The following LRRFIP1 variants were observed in gnomAD, a reference collection of about 807,000 sequenced individuals.
The protein encoded by LRRFIP1 is LRR binding FLII interacting protein 1, also known as leucine-rich repeat flightless-interacting protein 1.
Under a neutral mutation model 104.4 loss-of-function variants are expected in LRRFIP1, and 62 were observed. The ratio of observed to expected loss-of-function variants is 0.59; its 90% CI spans 0.48 to 0.73. The LOEUF is 0.73. LRRFIP1 is among the 30% of genes least tolerant of loss of function. The pLI is 0.00. For missense variants in LRRFIP1, 796 were observed against 824.5 expected (o/e 0.97, Z 0.42); for synonymous variants, 300 against 299.0 (o/e 1.00, Z -0.03).
intron 1 of LRRFIP1, among the ~76,000 whole-genome samples, chr2:237,637,352 C>T (rs867604605): frequency 6.6e-6 from 1 of 152,166 alleles, no homozygotes; most frequent in Non-Finnish European, 1.5e-5. Context: ...CCTGTAGTCT[C>T]AGCTACTCGG....
intron 1 of LRRFIP1, among the ~76,000 whole-genome samples, chr2:237,632,572 C>G (rs1334808497): frequency 6.6e-6 from 1 of 152,216 alleles, no homozygotes; most frequent in East Asian, 1.9e-4. Flanking sequence ...CCCTTTCATT[C>G]ATCTTTTCTC....
chr2:237,739,047 T>G (rs1320649152), intron 10 of LRRFIP1, among the ~76,000 whole-genome samples, 185 bp from the exon 11 acceptor site: 3 of 152,264 alleles, frequency 2.0e-5, no homozygotes, highest in Non-Finnish European at 2.9e-5. Context: ...GCTTTTTTAT[T>G]CTTAGCGAGC....
intron 2 of LRRFIP1, among the ~76,000 whole-genome samples, chr2:237,709,811 T>C (rs2093984733): frequency 6.6e-6 from 1 of 152,174 alleles, no homozygotes; most frequent in Admixed American, 6.5e-5. Flanking sequence ...CTAGAAGGAA[T>C]AGTGCTTTTA....
rs367912567 is a variant in LRRFIP1, at chr2:237,735,321, C to A, written c.543C>A (p.Ser181=). The change falls in exon 10 of 24, where the codon TCC becomes TCA. Residue 181 remains serine, a synonymous_variant. Coordinates refer to ENST00000308482, the MANE Select transcript of LRRFIP1 (RefSeq NM_001137550.2). This position sits in a 1 kb window ranked among gnomAD's most constrained non-coding sequence, Gnocchi z 4.6. Reference sequence around the variant, plus strand: ...GTGGGACCCGACGGGGCAGCACCTCCGGCTCCCGTGCTGTAAGGCGCTTTC... The same window carrying A: ...GTGGGACCCGACGGGGCAGCACCTCAGGCTCCCGTGCTGTAAGGCGCTTTC... ...SFGGTRRGST[S]GSRAPSEYSG... The A allele has an allele frequency of 1.9e-4, 306 of 1,613,130 alleles. No homozygotes were observed. Among genetic ancestry groups the A allele is most frequent in the Non-Finnish European group, 2.5e-4 (297 of 1,179,820 alleles).
At chr2:237,720,112 A>C (rs2094488024) in intron 5 of LRRFIP1, among the ~76,000 whole-genome samples, 1 of 151,682 alleles carries the variant, frequency 6.6e-6, no homozygotes, top group Non-Finnish European at 1.5e-5. Flanking sequence ...ACACCTGACT[A>C]ATTTTTGTAT....
At chr2:237,658,378 T>C (rs945273838) in intron 1 of LRRFIP1, among the ~76,000 whole-genome samples, 2 of 152,208 alleles carry the variant, frequency 1.3e-5, no homozygotes, top group Non-Finnish European at 2.9e-5. Flanking sequence ...ATCTACATAA[T>C]GCAGGTCCCA....
chr2:237,743,876 C>A (rs982111748), intron 11 of LRRFIP1, among the ~76,000 whole-genome samples: 1 of 152,128 alleles, frequency 6.6e-6, no homozygotes, highest in Non-Finnish European at 1.5e-5. Context: ...TCTGGGTCAT[C>A]CAGGCCCCAA....
chr2:237,633,520 T>C (rs983055378), intron 1 of LRRFIP1, among the ~76,000 whole-genome samples: 25 of 145,538 alleles, frequency 1.7e-4, no homozygotes, highest in African/African-American at 7.1e-4. Flanking sequence ...GGGATGTGTG[T>C]GTGGAGAACA....
intron 8 of LRRFIP1, among the ~76,000 whole-genome samples, chr2:237,733,176 C>G (rs1291727315): frequency 6.6e-6 from 1 of 152,176 alleles, no homozygotes; most frequent in African/African-American, 2.4e-5. Flanking sequence ...CCCAGCCTGT[C>G]CCTTCACCAG....
Position 237,749,340 on chromosome 2 carries a change from C to G in LRRFIP1, c.795+16C>G. 1 of 1,612,560 alleles carries G rather than the reference C, an allele frequency of 6.2e-7. No homozygotes were observed. On this transcript the variant is annotated intron_variant, in intron 13 of 23. Transcript: ENST00000308482. The stretch of plus-strand genomic sequence containing the variant: ...GGAAATCAAGGTGAGATGCTCTCTT[C>G]TTACTGACAACTTGAGAGAACCTTT...
At position 237,767,039 on chromosome 2, in the gene LRRFIP1, G is replaced by A. The variant is rs546008029; in HGVS notation, c.1460-2904G>A. ...ATATACAAACAATTAGCCAGGCATG[G>A]TGGCATGTGCATGTAGTCCCATGTA... On this transcript the variant is annotated intron_variant, in intron 19 of 23. Transcript: ENST00000308482. Among the ~76,000 whole-genome samples the A allele has an allele frequency of 2.6e-5, 4 of 152,278 alleles. No homozygotes were observed. The East Asian group carries it at 7.7e-4, about 29-fold the overall frequency.
At chr2:237,677,862 G>A (rs1224171644) in intron 1 of LRRFIP1, among the ~76,000 whole-genome samples, 1 of 152,112 alleles carries the variant, frequency 6.6e-6, no homozygotes. Context: ...GATGCTGCAA[G>A]TTAGACTTGG....
chr2:237,661,148 CAG>C lies in LRRFIP1; in HGVS notation c.96+33409_96+33410del, dbSNP rs59069058. On this transcript the variant is annotated intron_variant, in intron 1 of 23. Coordinates refer to ENST00000308482, the MANE Select transcript of LRRFIP1 (RefSeq NM_001137550.2). This position sits in a 1 kb window ranked among gnomAD's most constrained non-coding sequence, Gnocchi z 4.4. Reference sequence around the variant, plus strand: ...GTGCCTCATCAGCACTGTGAACAAACAGGGAAGGATATCTGGGGCCACGCAGG... The same window carrying C: ...GTGCCTCATCAGCACTGTGAACAAACGGAAGGATATCTGGGGCCACGCAGG... Among the ~76,000 whole-genome samples the C allele has an allele frequency of 0.061, 9,258 of 152,202 alleles. 921 individuals carry two copies. Among genetic ancestry groups the C allele is most frequent in the African/African-American group, 0.21 (8,667 of 41,466 alleles).
At chr2:237,733,020 G>A (rs1434133514) in intron 8 of LRRFIP1, among the ~76,000 whole-genome samples, 1 of 152,200 alleles carries the variant, frequency 6.6e-6, no homozygotes, top group East Asian at 1.9e-4. Flanking sequence ...AGGTTGAACT[G>A]TCCCTCTCCC....
In LRRFIP1 at chr2:237,727,754, G is replaced by A. The variant is rs2094817820; in HGVS notation, c.385-122G>A. 5 of 704,764 alleles carry A rather than the reference G, an allele frequency of 7.1e-6. No individual in the cohort carries two copies. The Admixed American group carries it at 9.9e-5, about 14-fold the overall frequency. The allele number at this position is 704,764 out of a possible 1,614,324, so 43.7% of individuals were successfully genotyped here. A position where few individuals can be genotyped will look rare whatever the true frequency, so the allele number is the denominator to read the frequency against. On this transcript the variant is annotated intron_variant, in intron 7 of 23. Coordinates refer to ENST00000308482, the MANE Select transcript of LRRFIP1 (RefSeq NM_001137550.2). ...GCCAGGACTTGTACTGTCCTGGACT[G>A]GTCATTCATCCGCTCCACAAGAAAG...
rs115956958 is a variant in LRRFIP1, at chr2:237,632,007, G to A, written c.96+4267G>A. Among the ~76,000 whole-genome samples, 1,104 of 152,334 alleles carry A rather than the reference G, an allele frequency of 7.2e-3. 11 individuals carry two copies. The highest frequency in any genetic ancestry group is 0.025 in the African/African-American group (1,022 of 41,582). Reference sequence around the variant, plus strand: ...GGCAGGGGCACTGCTGCCCCACCCGGCTGCTTCACCGGCCCCAAGTTGACT... The same window carrying A: ...GGCAGGGGCACTGCTGCCCCACCCGACTGCTTCACCGGCCCCAAGTTGACT... On this transcript the variant is annotated intron_variant, in intron 1 of 23. Coordinates refer to ENST00000308482, the MANE Select transcript of LRRFIP1 (RefSeq NM_001137550.2).
At chr2:237,658,984 A>G (rs968540908) in intron 1 of LRRFIP1, among the ~76,000 whole-genome samples, 9 of 152,222 alleles carry the variant, frequency 5.9e-5, no homozygotes, top group African/African-American at 1.9e-4. Context: ...AGGCAGGTCA[A>G]TGGTACAAAA....
chr2:237,649,870 C>T lies in LRRFIP1; in HGVS notation c.96+22130C>T, dbSNP rs1009078693. Among the ~76,000 whole-genome samples the T allele has an allele frequency of 1.8e-4, 27 of 151,658 alleles. 1 individual carries two copies. Among genetic ancestry groups the T allele is most frequent in the East Asian group, 3.9e-4 (2 of 5,188 alleles). ...ACAAAAAAAAAAATTGATTACCCCC[C>T]GGCATGTCCTAATATACTGCAGCCT... On this transcript the variant is annotated intron_variant, in intron 1 of 23. Transcript: ENST00000308482. This position sits in a 1 kb window ranked among gnomAD's most constrained non-coding sequence, Gnocchi z 4.1.
At chr2:237,705,492 T>C (rs2093757936) in intron 1 of LRRFIP1, among the ~76,000 whole-genome samples, 1 of 151,968 alleles carries the variant, frequency 6.6e-6, no homozygotes, top group Non-Finnish European at 1.5e-5. Context: ...CAAAACCCTG[T>C]CTGTACAAAA....
Sources: allele counts gnomAD v4.1 joint callset (sites outside exome capture counted in the v4.1 genomes callset), GRCh38; gene constraint gnomAD v4.1.1; non-coding constraint Gnocchi (gnomAD v3.1); transcripts MANE v1.5; gene names NCBI Gene and HGNC (gene_info 2026-07-23, HGNC 2026-07-21).